Variants in PLCD4 observed in about 807,000 individuals in gnomAD.
The protein encoded by PLCD4 is 1-phosphatidylinositol 4,5-bisphosphate phosphodiesterase delta-4.
In PLCD4, 63 loss-of-function variants were observed where a neutral mutation model predicts 90.2. The observed-to-expected ratio is 0.70, with a 90% CI of 0.57 to 0.86. The LOEUF (loss-of-function observed/expected upper bound fraction) is 0.86, where lower values mean the gene tolerates loss of function less well. PLCD4 is among the 40% of genes least tolerant of loss of function. The pLI is 0.00. For missense variants in PLCD4, 830 were observed against 956.3 expected, an observed-to-expected ratio of 0.87 and a Z score of 1.74; for synonymous variants, 294 against 356.5, an observed-to-expected ratio of 0.82 and a Z score of 1.97.
chr2:218,627,658 G>A (rs1174016264), intron 6 of PLCD4, among the ~76,000 whole-genome samples: 3 of 151,850 alleles, frequency 2.0e-5, no homozygotes, highest in East Asian at 2.0e-4. Context: ...GACTACAGGC[G>A]CCCACCACCG....
At position 218,618,706 on chromosome 2, in the gene PLCD4, C is replaced by T. The variant is rs766722297; in HGVS notation, c.309C>T (p.Asp103=). ...TCCATGGCCGCCGCTCCAACCTGGACCTGATGGCCAACAGTGTTGAGGAGG... is the reference window on the plus strand; with the variant it reads ...TCCATGGCCGCCGCTCCAACCTGGATCTGATGGCCAACAGTGTTGAGGAGG... ...IVFHGRRSNL[D]LMANSVEEAQ... Residue 103 remains aspartate, a synonymous_variant, in exon 4 of 16, where the codon GAC becomes GAT. Coordinates refer to ENST00000450993, the MANE Select transcript of PLCD4 (RefSeq NM_032726.4). The T allele has an allele frequency of 5.0e-6, 8 of 1,613,554 alleles. No homozygotes were observed. The Admixed American group carries it at 1.2e-4, about 24-fold the overall frequency.
intron 6 of PLCD4, among the ~76,000 whole-genome samples, chr2:218,627,428 T>C (rs1347107658): frequency 2.0e-5 from 3 of 150,740 alleles, no homozygotes. Context: ...TTTAGTACTA[T>C]AGCATAAAAA....
rs753062524 is a variant in PLCD4, at chr2:218,628,038, G to A, written c.782G>A (p.Arg261Gln). 2.7e-5 allele frequency: 44 copies of A among 1,613,176 alleles called. No homozygotes were observed. The Middle Eastern group carries it at 2.0e-3, about 72-fold the overall frequency. ...RYEPSDSGKL[R>Q]HVLSMDGFLS... is the part of the protein sequence containing the mutation. ...CCTGTCCACACTCCAGGCAAACTGC[G>A]GCATGTGCTGAGTATGGATGGCTTC... The change falls in exon 7 of 16, where the codon CGG becomes CAG. Residue 261 changes from arginine (R) to glutamine (Q), a missense_variant. Arg to Gln is a conservative substitution (Grantham distance 43). Coordinates refer to ENST00000450993, the MANE Select transcript of PLCD4 (RefSeq NM_032726.4).
chr2:218,628,095 T>C lies in PLCD4; in HGVS notation c.839T>C (p.Ile280Thr), dbSNP rs1450426982. ...LSYLCSKDGD[I>T]FNPACLPIYQ... ...TACCTCTGCTCTAAGGATGGAGACA[T>C]CTTCAACCCAGCCTGCCTCCCCATC... is the stretch of plus-strand genomic sequence containing the variant. The change falls in exon 7 of 16, where the codon ATC becomes ACC. Residue 280 changes from isoleucine to threonine, a missense_variant. Ile to Thr is a moderately conservative substitution (Grantham distance 89, BLOSUM62 -1). Transcript: ENST00000450993. 6.2e-7 allele frequency: 1 copy of C among 1,614,000 alleles called. No individual in the cohort carries two copies. The highest frequency in any genetic ancestry group is 8.5e-7 in the Non-Finnish European group (1 of 1,179,878).
At chr2:218,622,605 C>T in intron 5 of PLCD4, 42 bp from the exon 6 acceptor site, 2 of 1,397,842 alleles carry the variant, frequency 1.4e-6, no homozygotes, top group Non-Finnish European at 1.9e-6. Context: ...TAACATTTCC[C>T]ATTAAAAGTT....
intron 4 of PLCD4, among the ~76,000 whole-genome samples, chr2:218,620,258 C>G (rs1223244999): frequency 6.6e-6 from 1 of 152,114 alleles, no homozygotes; most frequent in East Asian, 1.9e-4. Flanking sequence ...AATCCCAGCA[C>G]TTTGAGAAGC....
At chr2:218,608,905 G>C (rs1231524095) in intron 1 of PLCD4, among the ~76,000 whole-genome samples, 1 of 151,992 alleles carries the variant, frequency 6.6e-6, no homozygotes, top group Admixed American at 6.6e-5. Flanking sequence ...TTGGGAGGCC[G>C]AGGCGGGTGG....
chr2:218,611,905 A>T (rs897782985), intron 1 of PLCD4, among the ~76,000 whole-genome samples: 5 of 146,868 alleles, frequency 3.4e-5, no homozygotes, highest in African/African-American at 1.3e-4. Flanking sequence ...TGCTAGACCT[A>T]AGAGAGGTCT....
At chr2:218,610,237 T>C (rs1242030687) in intron 1 of PLCD4, among the ~76,000 whole-genome samples, 1 of 152,122 alleles carries the variant, frequency 6.6e-6, no homozygotes, top group African/African-American at 2.4e-5. Flanking sequence ...CTGGGCATGG[T>C]GGCTCACCCC....
At chr2:218,626,304 C>A (rs1696117911) in intron 6 of PLCD4, among the ~76,000 whole-genome samples, 1 of 151,456 alleles carries the variant, frequency 6.6e-6, no homozygotes, top group African/African-American at 2.4e-5. Flanking sequence ...TCCTGTCCTT[C>A]TTCACAATCT....
Position 218,621,529 on chromosome 2 carries a change from A to C in PLCD4, c.470A>C (p.Gln157Pro). ...AATCAGGATGGTAAGATGAGTTTCCAAGAAGTTCAGCGGTTATTGCACCTA... is the reference window on the plus strand; with the variant it reads ...AATCAGGATGGTAAGATGAGTTTCCCAGAAGTTCAGCGGTTATTGCACCTA... ...DKNQDGKMSF[Q>P]EVQRLLHLMN... Residue 157 changes from glutamine to proline, a missense_variant, in exon 5 of 16, where the codon CAA becomes CCA. Gln to Pro is a moderately conservative substitution (Grantham distance 76, BLOSUM62 -1). Coordinates refer to ENST00000450993, the MANE Select transcript of PLCD4 (RefSeq NM_032726.4). 5.6e-6 allele frequency: 9 copies of C among 1,614,020 alleles called. No individual in the cohort carries two copies. The highest frequency in any genetic ancestry group is 6.8e-6 in the Non-Finnish European group (8 of 1,179,874).
chr2:218,613,154 G>T (rs533942732), intron 1 of PLCD4, among the ~76,000 whole-genome samples: 1 of 152,122 alleles, frequency 6.6e-6, no homozygotes, highest in South Asian at 2.1e-4. Flanking sequence ...ACTTTGGGAG[G>T]TCGAGGCGGG....
Position 218,615,750 on chromosome 2 carries a change from T to C in PLCD4, c.11T>C (p.Leu4Pro), listed in dbSNP as rs1446760953. The C allele has an allele frequency of 6.2e-7, 1 of 1,607,000 alleles. No homozygotes were observed. Among genetic ancestry groups the C allele is most frequent in the East Asian group, 2.2e-5 (1 of 44,852 alleles). Residue 4 changes from leucine to proline, a missense_variant, in exon 2 of 16, where the codon CTG (leucine) becomes CCG (proline). Coordinates refer to ENST00000450993, the MANE Select transcript of PLCD4 (RefSeq NM_032726.4). MAS[L>P]LQDQLTTDQD... ...GTGGAACAGTGGGTGATGGCGTCCC[T>C]GCTGCAAGACCGTGAGTGCCGGGGC...
chr2:218,625,054 G>T (rs1467733538), intron 6 of PLCD4, among the ~76,000 whole-genome samples: 1 of 19,686 alleles, frequency 5.1e-5, no homozygotes, highest in African/African-American at 2.0e-4. Context: ...AGAGGTTGCA[G>T]CAGTGAGCTG....
At chr2:218,636,014 T>C (rs1383273106) in intron 14 of PLCD4, 83 bp downstream of exon 14, 6 of 1,589,924 alleles carry the variant, frequency 3.8e-6, no homozygotes, top group Non-Finnish European at 5.2e-6. Context: ...AAGTATAGCA[T>C]CTGTTATTGC....
intron 1 of PLCD4, among the ~76,000 whole-genome samples, chr2:218,613,024 A>G (rs185699668): frequency 7.8e-4 from 119 of 152,308 alleles, no homozygotes; most frequent in South Asian, 1.7e-3. Context: ...TGGAACACTA[A>G]CTGAATGATT....
At position 218,622,772 on chromosome 2, in the gene PLCD4, G is replaced by A. The variant is rs775569349; in HGVS notation, c.666G>A (p.Leu222=). 4.3e-6 allele frequency: 7 copies of A among 1,614,006 alleles called. No individual in the cohort carries two copies. Among genetic ancestry groups the A allele is most frequent in the Non-Finnish European group, 5.9e-6 (7 of 1,179,888 alleles). Residue 222 remains leucine (L), a synonymous_variant, in exon 6 of 16, where the codon CTG becomes CTA. Transcript: ENST00000450993. ...FESFSADGQK[L]TLLEFLDFLQ... ...GTTTTTCAGCTGATGGGCAGAAGCT[G>A]ACTCTGCTGGAATTTTTGGATTTCC... is the stretch of plus-strand genomic sequence containing the variant.
At chr2:218,615,204 A>G (rs887184935) in intron 1 of PLCD4, among the ~76,000 whole-genome samples, 2 of 152,178 alleles carry the variant, frequency 1.3e-5, no homozygotes, top group African/African-American at 4.8e-5. Flanking sequence ...TGGGTGACAG[A>G]GCGACACTCC....
At chr2:218,619,592 C>T (rs1466323853) in intron 4 of PLCD4, among the ~76,000 whole-genome samples, 4 of 151,726 alleles carry the variant, frequency 2.6e-5, no homozygotes, top group Admixed American at 2.6e-4. Context: ...CACACCCGGC[C>T]AGTGGTACAA....
Sources: allele counts gnomAD v4.1 joint callset (sites outside exome capture counted in the v4.1 genomes callset), GRCh38; gene constraint gnomAD v4.1.1; transcripts MANE v1.5; gene names NCBI Gene and HGNC (gene_info 2026-07-23, HGNC 2026-07-21).